Variants in VRK1 observed in about 807,000 individuals in gnomAD.
VRK1 encodes serine/threonine-protein kinase VRK1.
Under a neutral mutation model 57.1 loss-of-function variants are expected in VRK1, and 33 were observed. The ratio of observed to expected loss-of-function variants is 0.58; its 90% CI spans 0.44 to 0.77. The LOEUF is 0.77. VRK1 is among the 30% of genes least tolerant of loss of function. The pLI, the probability that VRK1 is intolerant of heterozygous loss-of-function variation, is 0.00. For synonymous variants in VRK1, 137 were observed against 147.8 expected (o/e 0.93, Z 0.53); for missense variants, 413 against 477.3 (o/e 0.87, Z 1.25).
rs1888112056 is a variant in VRK1, at chr14:96,855,338, G to A, written c.691G>A (p.Asp231Asn). The A allele has an allele frequency of 1.9e-6, 3 of 1,614,028 alleles. No individual in the cohort carries two copies. The highest frequency in any genetic ancestry group is 1.7e-6 in the Non-Finnish European group (2 of 1,179,936). ...TGGCACTATTGAATTCACGAGCATCGATGCACACAATGGCGTGGGTATGTC... is the reference window on the plus strand; with the variant it reads ...TGGCACTATTGAATTCACGAGCATCAATGCACACAATGGCGTGGGTATGTC... ...HDGTIEFTSIDAHNGVAPSRR... is the reference protein window; with the variant it reads ...HDGTIEFTSINAHNGVAPSRR... The change falls in exon 8 of 13, where the codon GAT (aspartate) becomes AAT (asparagine). Residue 231 changes from aspartate to asparagine, a missense_variant. Asp to Asn is a conservative substitution (Grantham distance 23). Transcript: ENST00000216639.
intron 11 of VRK1, among the ~76,000 whole-genome samples, chr14:96,867,569 CT>C (rs1888635667): frequency 3.9e-5 from 6 of 152,154 alleles, no homozygotes; most frequent in Non-Finnish European, 4.4e-5. Context: ...GGCTTAATGC[CT>C]GTCTTAGACG....
intron 1 of VRK1, among the ~76,000 whole-genome samples, chr14:96,822,167 T>A (rs565810423): frequency 6.6e-6 from 1 of 151,942 alleles, no homozygotes; most frequent in African/African-American, 2.4e-5. Flanking sequence ...CTGAATAAAA[T>A]ATAAGCTCCA....
chr14:96,880,405 G>A (rs1160528088), intron 12 of VRK1, among the ~76,000 whole-genome samples: 5 of 152,110 alleles, frequency 3.3e-5, no homozygotes, highest in Admixed American at 1.3e-4. Context: ...CGTAGCATGC[G>A]GCAGTGGGAA....
At chr14:96,848,478 G>A (rs1208535462) in intron 5 of VRK1, among the ~76,000 whole-genome samples, 1 of 152,150 alleles carries the variant, frequency 6.6e-6, no homozygotes, top group Non-Finnish European at 1.5e-5. Flanking sequence ...TTGAGAGGAG[G>A]GGTAAGTAGT....
intron 12 of VRK1, chr14:96,877,382 T>C (rs1889083256): frequency 1.1e-5 from 7 of 608,726 alleles, no homozygotes; most frequent in East Asian, 6.7e-5. Flanking sequence ...AGAGGGAATA[T>C]ATAACTTCAC....
chr14:96,868,736 GA>G (rs1888683935), intron 11 of VRK1, among the ~76,000 whole-genome samples: 1 of 151,656 alleles, frequency 6.6e-6, no homozygotes. Context: ...GATCTCAAAG[GA>G]TATTATTAGA....
At chr14:96,820,559 A>G (rs1442300550) in intron 1 of VRK1, among the ~76,000 whole-genome samples, 1 of 152,188 alleles carries the variant, frequency 6.6e-6, no homozygotes, top group Non-Finnish European at 1.5e-5. Context: ...TTTACAACCC[A>G]TTTTGAACTC....
chr14:96,826,178 A>G (rs1453867073), intron 1 of VRK1, among the ~76,000 whole-genome samples: 6 of 152,242 alleles, frequency 3.9e-5, no homozygotes, highest in African/African-American at 1.4e-4. Flanking sequence ...TTTAATATTC[A>G]TAGCAGAACT....
chr14:96,880,620 A>G (rs1043499628), intron 12 of VRK1, among the ~76,000 whole-genome samples: 7 of 152,226 alleles, frequency 4.6e-5, no homozygotes, highest in Non-Finnish European at 1.0e-4. Context: ...AGTATCACAT[A>G]TGATCCTTTT....
At chr14:96,825,600 C>G (rs1235314905) in intron 1 of VRK1, among the ~76,000 whole-genome samples, 1 of 152,136 alleles carries the variant, frequency 6.6e-6, no homozygotes, top group Non-Finnish European at 1.5e-5. Context: ...ACAAACAGTA[C>G]TGAAACTTCA....
At chr14:96,811,445 A>G (rs1007902368) in intron 1 of VRK1, among the ~76,000 whole-genome samples, 2 of 152,232 alleles carry the variant, frequency 1.3e-5, no homozygotes, top group Non-Finnish European at 2.9e-5. Flanking sequence ...TCACATACAC[A>G]GCATAGAGTT....
chr14:96,860,034 T>C (rs985540007), intron 10 of VRK1, among the ~76,000 whole-genome samples: 1 of 152,152 alleles, frequency 6.6e-6, no homozygotes, highest in Admixed American at 6.5e-5. Context: ...CAGTACACTT[T>C]TATCATTTGG....
intron 1 of VRK1, among the ~76,000 whole-genome samples, chr14:96,825,697 G>A (rs556380868): frequency 7.7e-4 from 117 of 152,142 alleles, no homozygotes; most frequent in Non-Finnish European, 1.3e-3. Flanking sequence ...TGAGAGAAAA[G>A]GCTTTGTGCT....
At chr14:96,867,084 TTG>T (rs1888614742) in intron 11 of VRK1, among the ~76,000 whole-genome samples, 2 of 152,328 alleles carry the variant, frequency 1.3e-5, no homozygotes, top group Non-Finnish European at 2.9e-5. Context: ...TTCTAGTTTT[TTG>T]TGTCATTTGT....
At chr14:96,868,557 C>T (rs575365354) in intron 11 of VRK1, among the ~76,000 whole-genome samples, 25 of 152,212 alleles carry the variant, frequency 1.6e-4, no homozygotes, top group Admixed American at 1.6e-3. Context: ...CCAGCTTTTG[C>T]ATGTGGGCAG....
intron 10 of VRK1, 41 bp from the exon 11 acceptor site, chr14:96,860,516 A>G: frequency 6.4e-7 from 1 of 1,569,842 alleles, no homozygotes; most frequent in Non-Finnish European, 8.7e-7. Context: ...GTTAGAGAGA[A>G]ATATATTGAA....
rs143688917 is a variant in VRK1, at chr14:96,874,764, G to A, written c.1069-1266G>A. Among the ~76,000 whole-genome samples, 7 of 152,260 alleles carry A rather than the reference G, an allele frequency of 4.6e-5. No homozygotes were observed. In the East Asian group the frequency reaches 5.8e-4, roughly 13 times the overall value. ...TACATAGATAATAACAGTTCTGACCGTTTGGAGGTTTTAAGGTAATGTGCC... is the reference window on the plus strand; with the variant it reads ...TACATAGATAATAACAGTTCTGACCATTTGGAGGTTTTAAGGTAATGTGCC... On this transcript the variant is annotated intron_variant, in intron 11 of 12. Transcript: ENST00000216639.
At chr14:96,803,703 T>C (rs1885758724) in intron 1 of VRK1, among the ~76,000 whole-genome samples, 1 of 152,196 alleles carries the variant, frequency 6.6e-6, no homozygotes, top group African/African-American at 2.4e-5. Flanking sequence ...AGAGATACAG[T>C]TTCTCCACAA....
chr14:96,802,668 A>G (rs1046139112), intron 1 of VRK1, among the ~76,000 whole-genome samples: 11 of 152,264 alleles, frequency 7.2e-5, no homozygotes, highest in African/African-American at 2.4e-4. Flanking sequence ...ACATGACACA[A>G]TGTCCTAGAA....
Sources: gnomAD v4.1 joint callset for allele counts (sites outside exome capture counted in the v4.1 genomes callset) on GRCh38, gnomAD v4.1.1 for gene constraint, MANE v1.5 for transcripts, NCBI Gene and HGNC (gene_info 2026-07-23, HGNC 2026-07-21) for gene names.